Variants in ANO4 observed in about 807,000 individuals in gnomAD.
The protein encoded by ANO4 is anoctamin-4.
In ANO4, 69 loss-of-function variants were observed where a neutral mutation model predicts 141.9. The ratio of observed to expected loss-of-function variants is 0.49; its 90% confidence interval spans 0.40 to 0.59. The LOEUF (loss-of-function observed/expected upper bound fraction) is 0.59, where lower values mean the gene tolerates loss of function less well. Among genes scored for constraint, ANO4 ranks in the 20% least tolerant of loss-of-function variants. The pLI is 0.00. For missense variants in ANO4, 894 were observed against 1,162.2 expected (o/e 0.77, Z 3.36); for synonymous variants, 350 against 394.3 (o/e 0.89, Z 1.33).
At chr12:100,909,356 C>T (rs550941952) in intron 2 of ANO4, among the ~76,000 whole-genome samples, 2 of 152,250 alleles carry the variant, frequency 1.3e-5, no homozygotes, top group African/African-American at 4.8e-5. Context: ...GGACAGAAGA[C>T]CTCTCTCTTC....
At chr12:101,052,280 G>T (rs1471792776) in intron 14 of ANO4, among the ~76,000 whole-genome samples, 2 of 152,100 alleles carry the variant, frequency 1.3e-5, no homozygotes, top group Non-Finnish European at 2.9e-5. Context: ...CTGTGAGCCT[G>T]GGTCTCGGCT....
At chr12:100,906,451 T>C (rs1451802574) in intron 2 of ANO4, among the ~76,000 whole-genome samples, 1 of 152,212 alleles carries the variant, frequency 6.6e-6, no homozygotes, top group African/African-American at 2.4e-5. Flanking sequence ...GGCACATATC[T>C]TAATAACATT....
At chr12:100,925,919 G>A (rs964721841) in intron 3 of ANO4, among the ~76,000 whole-genome samples, 1 of 151,654 alleles carries the variant, frequency 6.6e-6, no homozygotes, top group African/African-American at 2.4e-5. Flanking sequence ...GCTTACATGT[G>A]TGTATTTCAA....
chr12:100,980,052 T>C (rs890940772), intron 7 of ANO4, among the ~76,000 whole-genome samples: 4 of 152,148 alleles, frequency 2.6e-5, no homozygotes, highest in African/African-American at 9.7e-5. Context: ...GAAATCCTTC[T>C]TTCTAAAGCT....
At chr12:101,065,433 C>T (rs2048540186) in intron 14 of ANO4, among the ~76,000 whole-genome samples, 1 of 152,092 alleles carries the variant, frequency 6.6e-6, no homozygotes, top group Non-Finnish European at 1.5e-5. Context: ...GGAGACATTA[C>T]AACTGATACC....
chr12:100,879,587 G>A (rs2135951801), intron 1 of ANO4, among the ~76,000 whole-genome samples: 1 of 152,160 alleles, frequency 6.6e-6, no homozygotes, highest in South Asian at 2.1e-4. Context: ...TTATTCTTTA[G>A]AGAAAGATAC....
chr12:100,915,391 A>G (rs550809589), intron 2 of ANO4, among the ~76,000 whole-genome samples: 70 of 152,362 alleles, frequency 4.6e-4, no homozygotes, highest in Non-Finnish European at 8.7e-4. Context: ...AAATATTTGT[A>G]GAATATAAAT....
At chr12:100,755,530 A>G (rs2032567942) in intron 3 of ANO4, among the ~76,000 whole-genome samples, 1 of 152,208 alleles carries the variant, frequency 6.6e-6, no homozygotes, top group Non-Finnish European at 1.5e-5. Context: ...ATCAATATTT[A>G]TTGAATTAAA....
chr12:101,097,592 T>C, intron 19 of ANO4, 59 bp from the exon 20 acceptor site: 1 of 1,491,500 alleles, frequency 6.7e-7, no homozygotes, highest in Non-Finnish European at 9.3e-7. Context: ...CTAAATGTAA[T>C]ATTCGCTGAA....
chr12:100,809,310 C>T (rs1050130480), intron 1 of ANO4, among the ~76,000 whole-genome samples: 6 of 151,786 alleles, frequency 4.0e-5, no homozygotes, highest in African/African-American at 1.2e-4. Flanking sequence ...TTGCTTGAAC[C>T]CAGGAGGCTG....
intron 5 of ANO4, among the ~76,000 whole-genome samples, chr12:100,968,059 T>C (rs2043757272): frequency 6.6e-6 from 1 of 152,134 alleles, no homozygotes; most frequent in Admixed American, 6.6e-5. Flanking sequence ...TGGGGTAACA[T>C]GTGAATGTGC....
intron 18 of ANO4, among the ~76,000 whole-genome samples, chr12:101,095,532 G>A (rs190187219): frequency 2.0e-5 from 3 of 152,026 alleles, no homozygotes; most frequent in Admixed American, 6.6e-5. Flanking sequence ...TTGGCCCTCC[G>A]CAACAGTATG....
intron 5 of ANO4, among the ~76,000 whole-genome samples, chr12:100,959,411 C>G (rs1376077614): frequency 6.6e-6 from 1 of 152,196 alleles, no homozygotes; most frequent in Non-Finnish European, 1.5e-5. Context: ...CTCTTGACCC[C>G]TATACTCTCC....
chr12:100,981,561 G>A (rs1026866007), intron 7 of ANO4, among the ~76,000 whole-genome samples: 4 of 152,100 alleles, frequency 2.6e-5, no homozygotes, highest in Admixed American at 1.3e-4. Context: ...GCATATCATC[G>A]CTGATAATGT....
chr12:101,043,157 T>C (rs2047476309), intron 12 of ANO4, among the ~76,000 whole-genome samples: 1 of 152,238 alleles, frequency 6.6e-6, no homozygotes, highest in South Asian at 2.1e-4. Flanking sequence ...ATATTAGTTT[T>C]AACTTATCAT....
chr12:100,834,959 T>C (rs1413920653), intron 1 of ANO4, among the ~76,000 whole-genome samples: 2 of 151,940 alleles, frequency 1.3e-5, no homozygotes, highest in East Asian at 1.9e-4. Flanking sequence ...TGGAGTGGAA[T>C]GAAGGAGAAG....
chr12:100,805,628 A>G (rs2034969855), intron 1 of ANO4, among the ~76,000 whole-genome samples: 2 of 151,948 alleles, frequency 1.3e-5, no homozygotes, highest in South Asian at 4.2e-4. Flanking sequence ...GTCCTCTCTT[A>G]TTTCCTTGAG....
At chr12:100,834,011 G>A (rs898329363) in intron 1 of ANO4, among the ~76,000 whole-genome samples, 1 of 152,098 alleles carries the variant, frequency 6.6e-6, no homozygotes, top group Non-Finnish European at 1.5e-5. Flanking sequence ...TTTTGGGAGG[G>A]CTAAGGTAGC....
chr12:100,934,942 G>A (rs1426334996), intron 3 of ANO4, among the ~76,000 whole-genome samples: 1 of 152,184 alleles, frequency 6.6e-6, no homozygotes, highest in African/African-American at 2.4e-5. Flanking sequence ...CATTGATTTT[G>A]TATCCTGAGG....
Sources: gnomAD v4.1 joint callset for allele counts (sites outside exome capture counted in the v4.1 genomes callset) on GRCh38, gnomAD v4.1.1 for gene constraint, MANE v1.5 for transcripts, NCBI Gene and HGNC (gene_info 2026-07-23, HGNC 2026-07-21) for gene names.